The following WASF3 variants were observed in gnomAD, a reference collection of about 807,000 sequenced individuals.
The protein encoded by WASF3 is WASP family member 3, also known as actin-binding protein WASF3.
WASF3 carries 11 observed loss-of-function variants against 46.6 expected under a neutral mutation model. The observed-to-expected ratio is 0.24, with a 90% CI of 0.15 to 0.39. WASF3 has a LOEUF of 0.39. WASF3 is among the 10% of genes least tolerant of loss of function. WASF3 has a pLI of 1.00. For missense variants in WASF3, 576 were observed against 669.8 expected (o/e 0.86, Z 1.55); for synonymous variants, 242 against 259.7 (o/e 0.93, Z 0.65).
intron 6 of WASF3, among the ~76,000 whole-genome samples, chr13:26,675,195 C>T (rs1883027726): frequency 6.6e-6 from 1 of 152,120 alleles, no homozygotes; most frequent in Non-Finnish European, 1.5e-5. Context: ...GCATGTCAGC[C>T]TTCCCTTCTT....
chr13:26,647,906 G>A (rs907312518), intron 3 of WASF3, among the ~76,000 whole-genome samples: 1 of 151,940 alleles, frequency 6.6e-6, no homozygotes, highest in African/African-American at 2.4e-5. Context: ...TTATACAGAT[G>A]GTATTTCATT....
intron 1 of WASF3, among the ~76,000 whole-genome samples, chr13:26,587,065 T>A (rs1253185282): frequency 1.7e-5 from 2 of 116,090 alleles, no homozygotes; most frequent in Non-Finnish European, 3.3e-5. Context: ...ATTGTGCCAC[T>A]ACACTGTAGC....
intron 4 of WASF3, 28 bp downstream of exon 4, chr13:26,665,190 T>C (rs769773502): frequency 6.2e-7 from 1 of 1,610,090 alleles, no homozygotes; most frequent in South Asian, 1.1e-5. Flanking sequence ...AGCAGTGAGC[T>C]AGAAGTGATG....
chr13:26,575,862 G>A (rs942951597), intron 1 of WASF3, among the ~76,000 whole-genome samples: 1 of 152,096 alleles, frequency 6.6e-6, no homozygotes, highest in Non-Finnish European at 1.5e-5. Flanking sequence ...TGGAGGCCTC[G>A]AAGATATCTT....
intron 1 of WASF3, among the ~76,000 whole-genome samples, chr13:26,566,134 C>T (rs1282005462): frequency 1.3e-5 from 2 of 152,142 alleles, no homozygotes; most frequent in Non-Finnish European, 2.9e-5. Context: ...TCATTTGAGA[C>T]AATATTGCCC....
Position 26,642,414 on chromosome 13 carries a change from T to G in WASF3, c.133+11T>G. ...AGCTGAGCAGTCTGAGTAAGCCATC[T>G]TTTTTCTGATTACCAATGACATTAA... is the stretch of plus-strand genomic sequence containing the variant. On this transcript the variant is annotated intron_variant, in intron 3 of 9. Coordinates refer to ENST00000335327, the MANE Select transcript of WASF3 (RefSeq NM_006646.6). The G allele has an allele frequency of 1.3e-6, 2 of 1,570,178 alleles. No individual in the cohort carries two copies. The highest frequency in any genetic ancestry group is 1.7e-6 in the Non-Finnish European group (2 of 1,165,304).
rs141636700 is a variant in WASF3, at chr13:26,599,322, A to G, written c.-108-13639A>G. Among the ~76,000 whole-genome samples the G allele has an allele frequency of 1.3e-3, 200 of 151,674 alleles. 2 individuals are homozygous for G. Among genetic ancestry groups the G allele is most frequent in the African/African-American group, 4.6e-3 (189 of 41,288 alleles). ...CTCAGCCTCTGGTGAAGCTGGGATT[A>G]CAGGTGCCTGCCACCAAGCCCGGCT... is the stretch of plus-strand genomic sequence containing the variant. On this transcript the variant is annotated intron_variant, in intron 1 of 9. Coordinates refer to ENST00000335327, the MANE Select transcript of WASF3 (RefSeq NM_006646.6).
intron 1 of WASF3, among the ~76,000 whole-genome samples, chr13:26,575,083 A>G (rs888531499): frequency 1.9e-4 from 29 of 152,122 alleles, no homozygotes; most frequent in Middle Eastern, 3.4e-3. Flanking sequence ...TGATCCGCCC[A>G]CCTTGGCCTC....
At chr13:26,544,512 A>G in the WASF3 span, among the ~76,000 whole-genome samples, 1 of 152,238 alleles carries the variant, frequency 6.6e-6, no homozygotes, top group Non-Finnish European at 1.5e-5. Context: ...TAGTATTATC[A>G]AAAGAGTTAA....
chr13:26,594,984 A>G (rs1423439254), intron 1 of WASF3, among the ~76,000 whole-genome samples: 6 of 152,212 alleles, frequency 3.9e-5, no homozygotes, highest in Non-Finnish European at 8.8e-5. Flanking sequence ...CCTTTTCTGT[A>G]TAACCACCAG....
intron 2 of WASF3, among the ~76,000 whole-genome samples, chr13:26,622,158 T>G (rs775934595): frequency 2.6e-5 from 4 of 152,194 alleles, no homozygotes; most frequent in Non-Finnish European, 5.9e-5. Flanking sequence ...TGTGCTCTAA[T>G]TACCTGGCAT....
intron 2 of WASF3, chr13:26,618,923 G>A (rs1593151688): frequency 6.6e-6 from 1 of 152,148 alleles, no homozygotes; most frequent in Non-Finnish European, 1.5e-5. Flanking sequence ...AGTCCTTCCT[G>A]TCATATTTTT....
intron 6 of WASF3, 126 bp downstream of exon 6, chr13:26,672,115 T>A: frequency 1.4e-6 from 1 of 716,734 alleles, no homozygotes. Flanking sequence ...GAGGTTGCAT[T>A]TCTCACAAAA....
intron 1 of WASF3, among the ~76,000 whole-genome samples, chr13:26,560,098 C>T (rs1267046249): frequency 6.6e-6 from 1 of 151,980 alleles, no homozygotes; most frequent in Admixed American, 6.6e-5. Flanking sequence ...GGATTACAGG[C>T]GTGAGCCACC....
At chr13:26,597,538 T>C (rs529232945) in intron 1 of WASF3, among the ~76,000 whole-genome samples, 22 of 152,318 alleles carry the variant, frequency 1.4e-4, no homozygotes, top group South Asian at 2.1e-4. Context: ...ACGTGCAGGT[T>C]TGTTACATAT....
intron 6 of WASF3, 73 bp from the exon 7 acceptor site, chr13:26,676,476 A>T: frequency 6.5e-7 from 1 of 1,532,668 alleles, no homozygotes; most frequent in East Asian, 2.3e-5. Context: ...CTTGTGCATT[A>T]TAACTGCATT....
In WASF3 at chr13:26,682,023, CA is replaced by C. The variant is rs1883247515; in HGVS notation, c.984-582del. Among the ~76,000 whole-genome samples, 1 of 152,300 alleles carries C rather than the reference CA, an allele frequency of 6.6e-6. No homozygotes were observed. The highest frequency in any genetic ancestry group is 2.1e-4 in the South Asian group (1 of 4,826). On this transcript the variant is annotated intron_variant, in intron 8 of 9. Transcript: ENST00000335327. This position sits in a 1 kb window ranked among gnomAD's most constrained non-coding sequence, Gnocchi z 4.4. ...AAGTGCTCTCCCTGGCCATGCATGC[CA>C]AGTCAGGATCCCCAGAGTGGCTTGA... is the stretch of plus-strand genomic sequence containing the variant.
At chr13:26,543,770 C>T in the WASF3 span, among the ~76,000 whole-genome samples, 6 of 152,116 alleles carry the variant, frequency 3.9e-5, no homozygotes, top group East Asian at 1.9e-4. Flanking sequence ...TGTGGGGCAC[C>T]GATAGTTTCC....
At chr13:26,633,735 A>G (rs886083497) in intron 2 of WASF3, among the ~76,000 whole-genome samples, 6 of 152,000 alleles carry the variant, frequency 3.9e-5, no homozygotes, top group Non-Finnish European at 7.4e-5. Context: ...TTCTGCCTTC[A>G]TTTCGTTATG....
Sources: allele counts gnomAD v4.1 joint callset (sites outside exome capture counted in the v4.1 genomes callset), GRCh38; gene constraint gnomAD v4.1.1; non-coding constraint Gnocchi (gnomAD v3.1); transcripts MANE v1.5; gene names NCBI Gene and HGNC (gene_info 2026-07-23, HGNC 2026-07-21).